EVL: variants seen among roughly 807,000 people sequenced by gnomAD.
EVL encodes Enah/Vasp-like.
In EVL, 21 loss-of-function variants were observed where a neutral mutation model predicts 59.6. The ratio of observed to expected loss-of-function variants is 0.35; its 90% CI spans 0.25 to 0.51. EVL has a LOEUF of 0.51. Among genes scored for constraint, EVL ranks in the 20% least tolerant of loss-of-function variants. EVL has a pLI of 0.97. For synonymous variants in EVL, 198 were observed against 203.5 expected, an observed-to-expected ratio of 0.97 and a Z score of 0.23; for missense variants, 462 against 546.6, an observed-to-expected ratio of 0.85 and a Z score of 1.54.
At chr14:100,091,883 T>C (rs931283323) in intron 2 of EVL, among the ~76,000 whole-genome samples, 2 of 152,140 alleles carry the variant, frequency 1.3e-5, no homozygotes, top group Admixed American at 6.5e-5. Flanking sequence ...GTCAGAATTA[T>C]AGAGGACACT....
chr14:100,097,376 C>A, intron 2 of EVL, 105 bp from the exon 3 acceptor site: 3 of 994,530 alleles, frequency 3.0e-6, no homozygotes, highest in Non-Finnish European at 2.9e-6. Flanking sequence ...CCATCCCCAT[C>A]TTCCTGTCCT....
rs769654642 is a variant in EVL, at chr14:100,128,601, C to T, written c.570C>T (p.Pro190=). The T allele has an allele frequency of 1.3e-6, 2 of 1,500,912 alleles. No individual in the cohort carries two copies. Among genetic ancestry groups the T allele is most frequent in the Middle Eastern group, 2.4e-4 (1 of 4,252 alleles). The allele number at this position is 1,500,912 out of a possible 1,614,324, so 93.0% of individuals were successfully genotyped here. ...GTGGGCCTCCACCGCCCCCCCCACC[C>T]CCAGTCCCACCTCCACCCACTGGGG... ...SCSGPPPPPP[P]PVPPPPTGAT... is the part of the protein sequence containing the mutation. Residue 190 remains proline, a synonymous_variant, in exon 6 of 14, where the codon CCC becomes CCT. Coordinates refer to ENST00000392920, the MANE Select transcript of EVL (RefSeq NM_016337.3).
chr14:100,085,923 C>T (rs182378303), intron 2 of EVL, among the ~76,000 whole-genome samples: 2 of 152,098 alleles, frequency 1.3e-5, no homozygotes, highest in Non-Finnish European at 2.9e-5. Context: ...GTCAGGAGTT[C>T]AAGACCAGCC....
intron 1 of EVL, among the ~76,000 whole-genome samples, chr14:100,021,057 G>C (rs1422532395): frequency 6.6e-6 from 1 of 152,244 alleles, no homozygotes; most frequent in Non-Finnish European, 1.5e-5. Flanking sequence ...AGTAGCTTTT[G>C]TGATCCTTGT....
chr14:100,008,784 ATTAAT>A (rs146439391), intron 1 of EVL, among the ~76,000 whole-genome samples: 11,711 of 152,240 alleles, frequency 0.077, 471 homozygotes, highest in Middle Eastern at 0.11. Context: ...CCTTGTACCT[ATTAAT>A]TTAAATACCA....
Position 100,135,991 on chromosome 14 carries a change from C to T in EVL, c.964+23C>T, listed in dbSNP as rs780185400. The T allele has an allele frequency of 3.7e-6, 6 of 1,612,718 alleles. 1 individual carries two copies. The highest frequency in any genetic ancestry group is 5.1e-6 in the Non-Finnish European group (6 of 1,179,762). On this transcript the variant is annotated intron_variant, in intron 9 of 13. Transcript: ENST00000392920. ...CAGGTGAGAGGGCGCCCCCCGCTGACCCCAGTGAGGCATGAGGTCTCAGAG... is the reference window on the plus strand; with the variant it reads ...CAGGTGAGAGGGCGCCCCCCGCTGATCCCAGTGAGGCATGAGGTCTCAGAG...
At chr14:100,016,798 T>C (rs1217695889) in intron 1 of EVL, among the ~76,000 whole-genome samples, 1 of 152,192 alleles carries the variant, frequency 6.6e-6, no homozygotes, top group Admixed American at 6.5e-5. Context: ...CCCAATGCCA[T>C]GTCAGCTGAG....
In EVL at chr14:100,128,685, C is replaced by T. The variant is rs779023969; in HGVS notation, c.654C>T (p.Asp218=). ...PAGGAQGSSH[D]ESSMSGLAAA... The stretch of plus-strand genomic sequence containing the variant: ...GAGGAGCCCAGGGGTCCAGCCACGA[C>T]GAGAGCTCCATGTCAGGACTGGCCG... Residue 218 remains aspartate (D), a synonymous_variant, in exon 6 of 14, where the codon GAC becomes GAT. Coordinates refer to ENST00000392920, the MANE Select transcript of EVL (RefSeq NM_016337.3). 8 of 1,606,384 alleles carry T rather than the reference C, an allele frequency of 5.0e-6. No homozygotes were observed. Among genetic ancestry groups the T allele is most frequent in the South Asian group, 2.2e-5 (2 of 90,334 alleles).
intron 2 of EVL, chr14:100,085,157 A>C (rs2062412386): frequency 4.1e-6 from 1 of 242,846 alleles, no homozygotes; most frequent in East Asian, 8.1e-5. Context: ...CTTTGAAAAA[A>C]TAATATTGCA....
At chr14:100,137,093 C>T (rs945563845) in intron 9 of EVL, 7 of 164,720 alleles carry the variant, frequency 4.2e-5, no homozygotes, top group African/African-American at 1.7e-4. Flanking sequence ...TGCAACAAAT[C>T]TTTTGGAGTA....
chr14:100,025,670 G>A (rs932571467), intron 1 of EVL, among the ~76,000 whole-genome samples: 1 of 152,176 alleles, frequency 6.6e-6, no homozygotes, highest in South Asian at 2.1e-4. Flanking sequence ...GCTCACGCCT[G>A]TAACCCCAGC....
At chr14:100,018,777 C>T (rs1365191924) in intron 1 of EVL, among the ~76,000 whole-genome samples, 2 of 152,148 alleles carry the variant, frequency 1.3e-5, no homozygotes, top group Admixed American at 1.3e-4. Context: ...AGTTGCAACC[C>T]GAATGCTGAA....
intron 3 of EVL, among the ~76,000 whole-genome samples, chr14:100,098,338 C>T (rs1013774956): frequency 1.3e-5 from 2 of 152,006 alleles, no homozygotes; most frequent in Non-Finnish European, 1.5e-5. Flanking sequence ...GCATCGCAGG[C>T]GGGAAAAGCA....
chr14:100,061,261 A>C (rs1049769924), upstream of EVL, among the ~76,000 whole-genome samples: 2 of 151,812 alleles, frequency 1.3e-5, no homozygotes, highest in Admixed American at 1.3e-4. Flanking sequence ...CAAAAAATAC[A>C]AAAATACACC....
In EVL at chr14:100,136,079, G is replaced by A; in HGVS notation, c.964+111G>A. 3.2e-6 allele frequency: 4 copies of A among 1,241,086 alleles called. No homozygotes were observed. The South Asian group carries it at 5.0e-5, about 15-fold the overall frequency. The allele number at this position is 1,241,086 out of a possible 1,614,324, so 76.9% of individuals were successfully genotyped here. A position where few individuals can be genotyped will look rare whatever the true frequency, so the allele number is the denominator to read the frequency against. Reference sequence around the variant, plus strand: ...AGCCTCTTTAGTATGCCTGAGCAGAGGGCCAGGCCACAGGGAAGCCCATTT... The same window carrying A: ...AGCCTCTTTAGTATGCCTGAGCAGAAGGCCAGGCCACAGGGAAGCCCATTT... On this transcript the variant is annotated intron_variant, in intron 9 of 13. Transcript: ENST00000392920.
chr14:100,076,894 C>G (rs2062174555), intron 1 of EVL, among the ~76,000 whole-genome samples: 1 of 152,232 alleles, frequency 6.6e-6, no homozygotes, highest in Non-Finnish European at 1.5e-5. Context: ...CTCCCTTCCT[C>G]ATGCCACATG....
chr14:100,116,324 G>A (rs1460188239), intron 3 of EVL, among the ~76,000 whole-genome samples: 1 of 152,166 alleles, frequency 6.6e-6, no homozygotes, highest in Non-Finnish European at 1.5e-5. Flanking sequence ...CCAGGTGGCT[G>A]TCGTTTGTTG....
rs1010059881 is a variant in EVL at position 100,135,736 on chromosome 14, C to G, written c.901-169C>G. 25 of 622,732 alleles carry G rather than the reference C, an allele frequency of 4.0e-5. No homozygotes were observed. In the African/African-American group the frequency reaches 4.6e-4, roughly 11 times the overall value. The allele number at this position is 622,732 out of a possible 1,614,324, so 38.6% of individuals were successfully genotyped here. A position where few individuals can be genotyped will look rare whatever the true frequency, so the allele number is the denominator to read the frequency against. On this transcript the variant is annotated intron_variant, in intron 8 of 13. Transcript: ENST00000392920. ...GTCCACTGGCTCGATTCTCTCCCCA[C>G]TGAGATTTTGCGTTTTCACTTTTAA...
rs1885889155 is a variant in EVL at position 100,097,371 on chromosome 14, C to G, written c.181-110C>G. 5.4e-6 allele frequency: 5 copies of G among 928,976 alleles called. No individual in the cohort carries two copies. In the Admixed American group the frequency reaches 1.5e-4, roughly 28 times the overall value. The allele number at this position is 928,976 out of a possible 1,614,324, so 57.5% of individuals were successfully genotyped here. ...GCTTTTCCCTTCTTCAAACCCCATC[C>G]CCATCTTCCTGTCCTCTCAAGGATA... On this transcript the variant is annotated intron_variant, in intron 2 of 13. Transcript: ENST00000392920.
Sources: allele counts gnomAD v4.1 joint callset (sites outside exome capture counted in the v4.1 genomes callset), GRCh38; gene constraint gnomAD v4.1.1; transcripts MANE v1.5; gene names NCBI Gene and HGNC (gene_info 2026-07-23, HGNC 2026-07-21).